Variants in PRKN observed in about 807,000 individuals in gnomAD.
The protein encoded by PRKN is E3 ubiquitin-protein ligase parkin.
Under a neutral mutation model 59.5 loss-of-function variants are expected in PRKN, and 56 were observed. That is an observed-to-expected ratio of 0.94 (90% CI 0.76 to 1.18). PRKN has a LOEUF of 1.18. PRKN is among the 50% of genes most tolerant of loss of function. The pLI is 0.00. For synonymous variants in PRKN, 250 were observed against 222.1 expected, an observed-to-expected ratio of 1.13 and a Z score of -1.12; for missense variants, 657 against 596.4, an observed-to-expected ratio of 1.10 and a Z score of -1.06.
chr6:162,242,930 A>C (rs1253047976), intron 3 of PRKN, among the ~76,000 whole-genome samples: 1 of 152,174 alleles, frequency 6.6e-6, no homozygotes, highest in Non-Finnish European at 1.5e-5. Flanking sequence ...AGCCTTGAAA[A>C]CAATAGAATA....
At position 161,873,910 on chromosome 6, in the gene PRKN, T is replaced by C. The variant is rs1364998860; in HGVS notation, c.735-88002A>G. ...TAAAAATTATATACTATATATAAAA[T>C]ATATAAATATATAAAATATATAATA... On this transcript the variant is annotated intron_variant, in intron 6 of 11. Transcript: ENST00000366898. Among the ~76,000 whole-genome samples the C allele has an allele frequency of 3.5e-5, 4 of 115,160 alleles. 1 individual carries two copies. Among genetic ancestry groups the C allele is most frequent in the African/African-American group, 1.1e-4 (3 of 27,162 alleles). 75.5% of individuals were successfully genotyped at this position (115,160 alleles called of 152,430 possible). A position where few individuals can be genotyped will look rare whatever the true frequency, so the allele number is the denominator to read the frequency against.
intron 9 of PRKN, among the ~76,000 whole-genome samples, chr6:161,426,652 C>A (rs982304763): frequency 3.0e-5 from 3 of 101,526 alleles, no homozygotes; most frequent in Non-Finnish European, 5.7e-5. Flanking sequence ...TTTACACACA[C>A]ACACACACAC....
In PRKN at chr6:161,973,366, C is replaced by T; in HGVS notation, c.670G>A (p.Val224Ile). The change falls in exon 6 of 12, where the codon GTA becomes ATA. Residue 224 changes from valine (V) to isoleucine (I), a missense_variant. Transcript: ENST00000366898. The stretch of plus-strand genomic sequence containing the variant: ...TTTGTTGCGATCAGGTGCAAAGCTA[C>T]TGATGTTTCCTTGTCAGAGGTGGGG... ...AHPTSDKETS[V>I]ALHLIATNSR... 6.2e-7 allele frequency: 1 copy of T among 1,613,980 alleles called. No homozygotes were observed. The highest frequency in any genetic ancestry group is 8.5e-7 in the Non-Finnish European group (1 of 1,179,846).
At chr6:162,645,806 T>C (rs113364253) in intron 1 of PRKN, among the ~76,000 whole-genome samples, 1 of 151,996 alleles carries the variant, frequency 6.6e-6, no homozygotes, top group African/African-American at 2.4e-5. Flanking sequence ...AACCCCATTC[T>C]TGTCATTTCC....
At chr6:162,138,657 G>T (rs1422021183) in intron 4 of PRKN, among the ~76,000 whole-genome samples, 1 of 152,176 alleles carries the variant, frequency 6.6e-6, no homozygotes, top group East Asian at 1.9e-4. Flanking sequence ...GTCCAAGGAA[G>T]TAGAGGGAAA....
rs548287068 is a variant in PRKN, at chr6:162,702,581, T to A, written c.7+25081A>T. ...ACTCCTTTGTCCTCTCAAGGTTGCC[T>A]AATCATATTCATCTCCTAAAATGAA... On this transcript the variant is annotated intron_variant, in intron 1 of 11. Transcript: ENST00000366898. Among the ~76,000 whole-genome samples, 6 of 152,316 alleles carry A rather than the reference T, an allele frequency of 3.9e-5. No homozygotes were observed. The South Asian group carries it at 1.2e-3, about 32-fold the overall frequency.
chr6:162,412,489 C>T (rs1287606460), intron 2 of PRKN, among the ~76,000 whole-genome samples: 6 of 151,852 alleles, frequency 4.0e-5, no homozygotes, highest in African/African-American at 1.2e-4. Flanking sequence ...AGCAGAAGAA[C>T]AACACGGGGT....
intron 1 of PRKN, among the ~76,000 whole-genome samples, chr6:162,461,517 A>G (rs1219597936): frequency 4.8e-5 from 7 of 144,612 alleles, no homozygotes; most frequent in African/African-American, 8.0e-5. Context: ...AAAAAAAAAA[A>G]AAAAAAAAAA....
At chr6:161,438,407 G>A (rs1789030917) in intron 9 of PRKN, among the ~76,000 whole-genome samples, 1 of 151,770 alleles carries the variant, frequency 6.6e-6, no homozygotes. Context: ...TAGTAGAGAT[G>A]GGGTTTCACC....
intron 6 of PRKN, among the ~76,000 whole-genome samples, chr6:161,902,550 T>TATCTATCTATCTTTCTATC (rs1554245408): frequency 9.9e-6 from 1 of 101,360 alleles, no homozygotes; most frequent in Admixed American, 1.2e-4. Context: ...ATCTATCTAT[T>TATCTATCTATCTTTCTATC]TATTTATTTA....
intron 2 of PRKN, among the ~76,000 whole-genome samples, chr6:162,405,013 T>G (rs1787989045): frequency 6.6e-6 from 1 of 152,144 alleles, no homozygotes; most frequent in African/African-American, 2.4e-5. Flanking sequence ...AAGAAGTGTT[T>G]GCTTGGGATT....
At position 161,502,601 on chromosome 6, in the gene PRKN, T is replaced by C. The variant is rs1187206922; in HGVS notation, c.1083+46253A>G. ...AGGGATGAGGATAGTAAGAGTATCC[T>C]GAAGGAGGGGACCAGTAACAAGCAG... On this transcript the variant is annotated intron_variant, in intron 9 of 11. Transcript: ENST00000366898. This position sits in a 1 kb window ranked among gnomAD's most constrained non-coding sequence, Gnocchi z 4.0. Among the ~76,000 whole-genome samples, 1 of 152,106 alleles carries C rather than the reference T, an allele frequency of 6.6e-6. No homozygotes were observed. The highest frequency in any genetic ancestry group is 2.4e-5 in the African/African-American group (1 of 41,414).
intron 2 of PRKN, among the ~76,000 whole-genome samples, chr6:162,427,157 T>C (rs564962376): frequency 1.3e-5 from 2 of 152,202 alleles, no homozygotes; most frequent in African/African-American, 2.4e-5. Context: ...CAGAAAAGTT[T>C]ACACCAGTCA....
chr6:161,715,792 G>T (rs902827073), intron 7 of PRKN, among the ~76,000 whole-genome samples: 2 of 152,100 alleles, frequency 1.3e-5, no homozygotes, highest in Non-Finnish European at 2.9e-5. Context: ...CCAGTCACTG[G>T]GGGGAATGAC....
chr6:161,766,400 C>T (rs964170627), intron 7 of PRKN, among the ~76,000 whole-genome samples: 6 of 151,558 alleles, frequency 4.0e-5, no homozygotes, highest in Non-Finnish European at 5.9e-5. Flanking sequence ...CTCCACCTCC[C>T]GGGTTCAAGT....
At chr6:162,683,348 G>A (rs1360928291) in intron 1 of PRKN, among the ~76,000 whole-genome samples, 2 of 152,062 alleles carry the variant, frequency 1.3e-5, no homozygotes, top group African/African-American at 2.4e-5. Context: ...CATTTTCATC[G>A]TCAGAAAATT....
At chr6:162,194,287 T>C (rs563492826) in intron 4 of PRKN, among the ~76,000 whole-genome samples, 7 of 152,348 alleles carry the variant, frequency 4.6e-5, no homozygotes, top group Middle Eastern at 3.4e-3. Context: ...AAATACAGAA[T>C]ACAATAAAAA....
At chr6:162,314,263 T>C (rs574066472) in intron 2 of PRKN, among the ~76,000 whole-genome samples, 2 of 152,228 alleles carry the variant, frequency 1.3e-5, no homozygotes, top group South Asian at 2.1e-4. Flanking sequence ...GTGATAGAAA[T>C]AGGATTCTAA....
intron 1 of PRKN, among the ~76,000 whole-genome samples, chr6:162,693,339 C>G (rs1777847932): frequency 6.6e-6 from 1 of 152,158 alleles, no homozygotes; most frequent in Non-Finnish European, 1.5e-5. Flanking sequence ...TCGTGACCTA[C>G]CCAAACATTC....
Sources: allele counts gnomAD v4.1 joint callset (sites outside exome capture counted in the v4.1 genomes callset), GRCh38; gene constraint gnomAD v4.1.1; non-coding constraint Gnocchi (gnomAD v3.1); transcripts MANE v1.5; gene names NCBI Gene and HGNC (gene_info 2026-07-23, HGNC 2026-07-21).